FUT9: variants seen among roughly 807,000 people sequenced by gnomAD.
FUT9 encodes fucosyltransferase 9, also known as 4-galactosyl-N-acetylglucosaminide 3-alpha-L-fucosyltransferase 9.
A neutral mutation model predicts 29.7 loss-of-function variants in FUT9; 15 were observed. The observed-to-expected ratio is 0.51, with a 90% CI of 0.34 to 0.78. The LOEUF is 0.78. FUT9 is among the 30% of genes least tolerant of loss of function. The probability of loss-of-function intolerance (pLI) is 0.01; values close to 1 mark genes in which losing one functional copy is unlikely to be tolerated. For missense variants in FUT9, 319 were observed against 425.4 expected, an observed-to-expected ratio of 0.75 and a Z score of 2.20; for synonymous variants, 169 against 153.7, an observed-to-expected ratio of 1.10 and a Z score of -0.74.
chr6:96,038,119 T>C (rs1160769500), intron 1 of FUT9, among the ~76,000 whole-genome samples: 1 of 152,086 alleles, frequency 6.6e-6, no homozygotes, highest in African/African-American at 2.4e-5. Flanking sequence ...ACAGACAACT[T>C]CAGGTAAAAG....
intron 2 of FUT9, among the ~76,000 whole-genome samples, chr6:96,154,734 T>A (rs887792339): frequency 2.0e-5 from 3 of 152,236 alleles, no homozygotes; most frequent in Non-Finnish European, 2.9e-5. Context: ...ATAAAAAGAA[T>A]GTCTTAGATT....
At position 96,185,150 on chromosome 6, in the gene FUT9, A is replaced by ATT. The variant is rs5878425; in HGVS notation, c.-8-17988_-8-17987dup. Among the ~76,000 whole-genome samples, 241 of 149,374 alleles carry ATT rather than the reference A, an allele frequency of 1.6e-3. 1 individual carries two copies. The highest frequency in any genetic ancestry group is 5.5e-3 in the East Asian group (28 of 5,072). On this transcript the variant is annotated intron_variant, in intron 2 of 2. Coordinates refer to ENST00000302103, the MANE Select transcript of FUT9 (RefSeq NM_006581.4). ...CTTCCTCCTCAACAATATTTTTAGA[A>ATT]TTTTTTTTTTTAACAGAAGGAATGA...
At chr6:96,078,582 G>A (rs186138808) in intron 1 of FUT9, among the ~76,000 whole-genome samples, 4 of 151,272 alleles carry the variant, frequency 2.6e-5, no homozygotes, top group South Asian at 4.2e-4. Flanking sequence ...CACTACGCCC[G>A]GCTAATTTTC....
chr6:96,134,503 C>G (rs1772311290), intron 2 of FUT9, among the ~76,000 whole-genome samples: 1 of 151,782 alleles, frequency 6.6e-6, no homozygotes, highest in South Asian at 2.1e-4. Context: ...TTATAAAACT[C>G]TCTGTGTCCT....
chr6:96,113,879 G>T (rs959281914), intron 1 of FUT9, among the ~76,000 whole-genome samples, 160 bp from the exon 2 acceptor site: 1 of 150,236 alleles, frequency 6.7e-6, no homozygotes, highest in African/African-American at 2.4e-5. Flanking sequence ...AAATTTAACA[G>T]AAATCACAAA....
At chr6:96,082,732 G>A (rs1771257641) in intron 1 of FUT9, among the ~76,000 whole-genome samples, 1 of 151,520 alleles carries the variant, frequency 6.6e-6, no homozygotes, top group South Asian at 2.1e-4. Context: ...ACTATTTTTT[G>A]GAGAAATTGC....
At chr6:96,135,787 A>G (rs1409349363) in intron 2 of FUT9, among the ~76,000 whole-genome samples, 3 of 151,814 alleles carry the variant, frequency 2.0e-5, no homozygotes, top group African/African-American at 7.2e-5. Context: ...AAATTTGATA[A>G]AGGTTAGATC....
intron 1 of FUT9, among the ~76,000 whole-genome samples, chr6:96,081,548 A>G (rs182070199): frequency 6.6e-6 from 1 of 151,950 alleles, no homozygotes; most frequent in East Asian, 1.9e-4. Context: ...AATATGGGTA[A>G]ATATTTGAAT....
chr6:96,192,425 G>A (rs141013977), intron 2 of FUT9, among the ~76,000 whole-genome samples: 2,863 of 152,066 alleles, frequency 0.019, 37 homozygotes, highest in Middle Eastern at 0.044. Context: ...AACAGAGAGC[G>A]AAATCATGAG....
chr6:96,185,706 T>C (rs1222493896), intron 2 of FUT9, among the ~76,000 whole-genome samples: 4 of 152,092 alleles, frequency 2.6e-5, no homozygotes. Context: ...TCCACTCTGG[T>C]GGGAGGGAAA....
At chr6:96,036,783 T>G (rs10457104) in intron 1 of FUT9, 1 of 151,592 alleles carries the variant, frequency 6.6e-6, no homozygotes, top group Non-Finnish European at 1.5e-5. Context: ...CCAATCCATC[T>G]TAATAATCAT....
intron 2 of FUT9, among the ~76,000 whole-genome samples, chr6:96,180,186 G>A (rs1422783335): frequency 1.3e-5 from 2 of 152,006 alleles, no homozygotes; most frequent in East Asian, 3.9e-4. Context: ...AATTTTTCCC[G>A]GTCATGTTTA....
chr6:96,062,339 T>C (rs1239638409), intron 1 of FUT9, among the ~76,000 whole-genome samples: 1 of 149,442 alleles, frequency 6.7e-6, no homozygotes, highest in African/African-American at 2.5e-5. Context: ...CTTTACTCTC[T>C]ATAGCTGAGA....
rs1246212621 is a variant in FUT9 at position 96,213,544 on chromosome 6, A to G, written c.*9309A>G. On this transcript the variant is annotated 3_prime_UTR_variant, in exon 3 of 3. Coordinates refer to ENST00000302103, the MANE Select transcript of FUT9 (RefSeq NM_006581.4). ...AAAATACCCTGAAACATAATGCCAAATGTACAGTTTATAGGTTCGTGTTAT... is the reference window on the plus strand; with the variant it reads ...AAAATACCCTGAAACATAATGCCAAGTGTACAGTTTATAGGTTCGTGTTAT... The G allele has an allele frequency of 6.0e-6, 1 of 166,898 alleles. No individual in the cohort carries two copies. Among genetic ancestry groups the G allele is most frequent in the Admixed American group, 6.6e-5 (1 of 15,246 alleles). 10.3% of individuals were successfully genotyped at this position (166,898 alleles called of 1,614,324 possible).
chr6:96,198,437 G>A (rs917226907), intron 2 of FUT9, among the ~76,000 whole-genome samples: 1 of 152,176 alleles, frequency 6.6e-6, no homozygotes, highest in South Asian at 2.1e-4. Flanking sequence ...TCCCTACAAA[G>A]GACATGAACT....
chr6:96,135,225 G>C (rs1772324947), intron 2 of FUT9, among the ~76,000 whole-genome samples: 1 of 151,886 alleles, frequency 6.6e-6, no homozygotes, highest in African/African-American at 2.4e-5. Flanking sequence ...ATAATCAAAT[G>C]TTAGTATATG....
chr6:96,124,361 A>G (rs1772092497), intron 2 of FUT9, among the ~76,000 whole-genome samples: 1 of 151,998 alleles, frequency 6.6e-6, no homozygotes, highest in Non-Finnish European at 1.5e-5. Context: ...CAAGTTAGCC[A>G]GGATGGTCTC....
chr6:96,186,292 A>T (rs921313292), intron 2 of FUT9, among the ~76,000 whole-genome samples: 2 of 152,100 alleles, frequency 1.3e-5, no homozygotes, highest in African/African-American at 4.8e-5. Flanking sequence ...AACCACAGTG[A>T]TACATTTTTA....
intron 2 of FUT9, among the ~76,000 whole-genome samples, chr6:96,127,615 C>G (rs1029398712): frequency 6.6e-6 from 1 of 152,136 alleles, no homozygotes; most frequent in Non-Finnish European, 1.5e-5. Flanking sequence ...CCCCAAACTG[C>G]TTTCAATAAT....
Sources: allele counts gnomAD v4.1 joint callset (sites outside exome capture counted in the v4.1 genomes callset), GRCh38; gene constraint gnomAD v4.1.1; transcripts MANE v1.5; gene names NCBI Gene and HGNC (gene_info 2026-07-23, HGNC 2026-07-21).